Variants in VAC14 observed in about 807,000 individuals in gnomAD.
VAC14 encodes protein VAC14 homolog.
In VAC14, 47 loss-of-function variants were observed where a neutral mutation model predicts 85.3. The ratio of observed to expected loss-of-function variants is 0.55; its 90% confidence interval spans 0.44 to 0.70. The LOEUF (loss-of-function observed/expected upper bound fraction) is 0.70. Among genes scored for constraint, VAC14 ranks in the 30% least tolerant of loss-of-function variants. The probability of loss-of-function intolerance (pLI) is 0.00; values close to 1 mark genes in which losing one functional copy is unlikely to be tolerated. For synonymous variants in VAC14, 447 were observed against 430.5 expected, an observed-to-expected ratio of 1.04 and a Z score of -0.47; for missense variants, 861 against 1,004.3, an observed-to-expected ratio of 0.86 and a Z score of 1.93.
At chr16:70,797,577 G>A (rs184169761) in intron 1 of VAC14, among the ~76,000 whole-genome samples, 16 of 152,290 alleles carry the variant, frequency 1.1e-4, no homozygotes, top group Admixed American at 3.3e-4. Context: ...TATACAGTTT[G>A]TAACAATTAC....
intron 9 of VAC14, among the ~76,000 whole-genome samples, chr16:70,777,345 T>C (rs1344782889): frequency 6.6e-6 from 1 of 152,214 alleles, no homozygotes; most frequent in Admixed American, 6.5e-5. Flanking sequence ...AACCACACTA[T>C]AGGTTAGGTA....
At chr16:70,761,489 G>T (rs1220618462) in intron 12 of VAC14, among the ~76,000 whole-genome samples, 1 of 152,250 alleles carries the variant, frequency 6.6e-6, no homozygotes, top group Non-Finnish European at 1.5e-5. Flanking sequence ...ATGCTGCCGT[G>T]CAATGGGCAC....
At chr16:70,702,490 GGAAGAGCCTGGAGAGGCTGCTCTGGGGCT>G (rs1260285625) in intron 14 of VAC14, among the ~76,000 whole-genome samples, 2 of 152,172 alleles carry the variant, frequency 1.3e-5, no homozygotes, top group Admixed American at 6.5e-5. Context: ...TGCTCCAGGA[GGAAGAGCCTGGAGAGGCTGCTCTGGGGCT>G]GGCAGCGGAG....
At chr16:70,720,780 G>T (rs2054270347) in intron 14 of VAC14, among the ~76,000 whole-genome samples, 1 of 152,246 alleles carries the variant, frequency 6.6e-6, no homozygotes, top group Non-Finnish European at 1.5e-5. Flanking sequence ...CCATGTTGGG[G>T]CTATCCGCCC....
intron 9 of VAC14, among the ~76,000 whole-genome samples, chr16:70,773,475 T>C (rs1446351797): frequency 6.6e-6 from 1 of 152,220 alleles, no homozygotes; most frequent in Non-Finnish European, 1.5e-5. Flanking sequence ...CAAGATGTTC[T>C]AGATCTGGAA....
intron 13 of VAC14, among the ~76,000 whole-genome samples, chr16:70,739,632 G>A (rs980960316): frequency 6.6e-6 from 1 of 152,186 alleles, no homozygotes; most frequent in Non-Finnish European, 1.5e-5. Context: ...GCCTCTCAGA[G>A]CTGCTGTGAG....
rs184918106 is a variant in VAC14 at position 70,789,402 on chromosome 16, T to C, written c.105-3037A>G. Among the ~76,000 whole-genome samples the C allele has an allele frequency of 2.4e-4, 37 of 152,306 alleles. 1 individual carries two copies. The highest frequency in any genetic ancestry group is 6.8e-3 in the Middle Eastern group (2 of 294). On this transcript the variant is annotated intron_variant, in intron 1 of 18. Transcript: ENST00000261776. ...TTCCATTCTTGCAACTGTGCTGATGTGGCAGCATCAGAGACTGGCTTCATA... is the reference window on the plus strand; with the variant it reads ...TTCCATTCTTGCAACTGTGCTGATGCGGCAGCATCAGAGACTGGCTTCATA...
At chr16:70,768,522 G>A (rs2032981850) in intron 10 of VAC14, 1 of 289,734 alleles carries the variant, frequency 3.5e-6, no homozygotes, top group Admixed American at 5.0e-5. Flanking sequence ...TCTGGAGGGT[G>A]GAGGAACCCA....
At chr16:70,691,198 C>T in intron 18 of VAC14, 3 of 985,564 alleles carry the variant, frequency 3.0e-6, no homozygotes, top group Non-Finnish European at 3.6e-6. Flanking sequence ...TGCTCTGAGC[C>T]TCTGCTCCCC....
chr16:70,763,352 T>C (rs2032561656), intron 10 of VAC14, among the ~76,000 whole-genome samples: 1 of 152,174 alleles, frequency 6.6e-6, no homozygotes, highest in African/African-American at 2.4e-5. Flanking sequence ...TTTCCTTTTC[T>C]TTCTCCAGCA....
At chr16:70,701,420 C>A (rs77832627) in intron 14 of VAC14, among the ~76,000 whole-genome samples, 2,209 of 152,298 alleles carry the variant, frequency 0.015, 55 homozygotes, top group African/African-American at 0.05. Flanking sequence ...GTCCACCCAG[C>A]TGCTCAGGCC....
At chr16:70,763,445 C>T (rs992205146) in intron 10 of VAC14, among the ~76,000 whole-genome samples, 1 of 152,364 alleles carries the variant, frequency 6.6e-6, no homozygotes, top group East Asian at 1.9e-4. Context: ...AGTTCAGACC[C>T]TTTCTTGGAA....
chr16:70,799,623 G>C (rs1218557215), intron 1 of VAC14, among the ~76,000 whole-genome samples: 3 of 152,298 alleles, frequency 2.0e-5, no homozygotes, highest in African/African-American at 7.2e-5. Context: ...AGTGGGAAGA[G>C]GTCAGAGACG....
At chr16:70,768,681 A>C (rs77227858) in intron 10 of VAC14, 23,518 of 373,984 alleles carry the variant, frequency 0.063, 833 homozygotes, top group East Asian at 0.12. Context: ...TTAGTCAGTT[A>C]ATTCTCCCTG....
At chr16:70,695,253 A>T (rs2053683181) in intron 17 of VAC14, among the ~76,000 whole-genome samples, 1 of 152,008 alleles carries the variant, frequency 6.6e-6, no homozygotes, top group Non-Finnish European at 1.5e-5. Flanking sequence ...TGGTGACTAT[A>T]GGCATGCACT....
intron 17 of VAC14, among the ~76,000 whole-genome samples, chr16:70,693,536 T>A (rs1460818805): frequency 6.6e-6 from 1 of 152,158 alleles, no homozygotes; most frequent in Non-Finnish European, 1.5e-5. Context: ...GGGAGGTGCT[T>A]CTGGGGCTCC....
intron 12 of VAC14, chr16:70,755,244 C>A: frequency 2.9e-6 from 1 of 339,264 alleles, no homozygotes; most frequent in Non-Finnish European, 5.9e-6. Context: ...GGCTAGGGGC[C>A]ACCAGGTCAG....
At chr16:70,747,349 G>A (rs2030987055) in intron 12 of VAC14, 2 of 152,068 alleles carry the variant, frequency 1.3e-5, no homozygotes, top group African/African-American at 4.8e-5. Flanking sequence ...GGTACATACA[G>A]GGCTTCTTTC....
chr16:70,689,652 G>C, intron 18 of VAC14: 1 of 985,702 alleles, frequency 1.0e-6, no homozygotes, highest in Non-Finnish European at 1.2e-6. Context: ...ACATGTCTAC[G>C]GCTGCGGCTG....
Sources: gnomAD v4.1 joint callset for allele counts (sites outside exome capture counted in the v4.1 genomes callset) on GRCh38, gnomAD v4.1.1 for gene constraint, MANE v1.5 for transcripts, NCBI Gene and HGNC (gene_info 2026-07-23, HGNC 2026-07-21) for gene names.